The following OSBPL1A variants were observed in gnomAD, a reference collection of about 807,000 sequenced individuals.
OSBPL1A encodes oxysterol-binding protein-related protein 1.
OSBPL1A carries 80 observed loss-of-function variants against 137.1 expected under a neutral mutation model. That is an observed-to-expected ratio of 0.58 (90% CI 0.49 to 0.70). OSBPL1A has a LOEUF of 0.70. Ranked by LOEUF, OSBPL1A falls within the 30% of genes least tolerant of loss-of-function variation. The probability of loss-of-function intolerance (pLI) is 0.00; values close to 1 mark genes in which losing one functional copy is unlikely to be tolerated. For synonymous variants in OSBPL1A, 365 were observed against 389.7 expected (o/e 0.94, Z 0.75); for missense variants, 970 against 1,129.4 (o/e 0.86, Z 2.02).
intron 14 of OSBPL1A, among the ~76,000 whole-genome samples, chr18:24,298,454 C>T (rs1258200192): frequency 1.3e-5 from 2 of 152,252 alleles, no homozygotes; most frequent in Admixed American, 1.3e-4. Context: ...TCAAGCGATT[C>T]TCCTGCCTCA....
intron 17 of OSBPL1A, among the ~76,000 whole-genome samples, chr18:24,223,760 G>A (rs2087970519): frequency 6.6e-6 from 1 of 152,090 alleles, no homozygotes; most frequent in African/African-American, 2.4e-5. Context: ...TACAGCAGAG[G>A]ACAGCATCTA....
At chr18:24,166,262 T>C (rs1420467509) in intron 26 of OSBPL1A, among the ~76,000 whole-genome samples, 1 of 152,186 alleles carries the variant, frequency 6.6e-6, no homozygotes, top group East Asian at 1.9e-4. Context: ...CACACTCTCC[T>C]CTGAGGCTGA....
rs568522871 is a variant in OSBPL1A at position 24,320,108 on chromosome 18, G to A, written c.626-1299C>T. On this transcript the variant is annotated intron_variant, in intron 7 of 27. Coordinates refer to ENST00000319481, the MANE Select transcript of OSBPL1A (RefSeq NM_080597.4). ...CTCTAAAAACAAAAAGGGGGGCTGG[G>A]GGTGGTTTAAAATAATAATATTTTT... Among the ~76,000 whole-genome samples the A allele has an allele frequency of 1.7e-3, 252 of 152,166 alleles. 1 individual carries two copies. The highest frequency in any genetic ancestry group is 2.3e-3 in the Non-Finnish European group (154 of 68,024).
intron 4 of OSBPL1A, among the ~76,000 whole-genome samples, chr18:24,345,672 CGAGACT>C (rs2091335292): frequency 6.6e-6 from 1 of 151,524 alleles, no homozygotes; most frequent in Non-Finnish European, 1.5e-5. Context: ...GGCAACAAAG[CGAGACT>C]CCATCTCAAA....
intron 17 of OSBPL1A, among the ~76,000 whole-genome samples, chr18:24,207,759 C>G (rs563092774): frequency 2.6e-5 from 4 of 152,134 alleles, no homozygotes; most frequent in African/African-American, 9.6e-5. Context: ...GACTTCTTAT[C>G]GTTTCCTCCA....
chr18:24,170,583 C>T (rs2145908950), intron 23 of OSBPL1A, 130 bp from the exon 24 acceptor site: 1 of 924,066 alleles, frequency 1.1e-6, no homozygotes, highest in East Asian at 2.5e-5. Context: ...CTTCCAAGAG[C>T]AGATGAGATC....
chr18:24,364,590 AAAAC>A (rs1400963849), intron 4 of OSBPL1A, among the ~76,000 whole-genome samples: 22 of 152,248 alleles, frequency 1.4e-4, no homozygotes, highest in African/African-American at 3.1e-4. Context: ...ACTTGTCTCT[AAAAC>A]AAACAAACAA....
intron 16 of OSBPL1A, among the ~76,000 whole-genome samples, chr18:24,229,457 G>GA (rs1296764412): frequency 6.6e-6 from 1 of 152,250 alleles, no homozygotes; most frequent in African/African-American, 2.4e-5. Flanking sequence ...TATACTGTGT[G>GA]AAATAGTTTG....
Position 24,379,613 on chromosome 18 carries a change from A to G in OSBPL1A, c.-2-2078T>C, listed in dbSNP as rs527880385. On this transcript the variant is annotated intron_variant, in intron 1 of 27. Transcript: ENST00000319481. ...AAGAAAACAGAGAGACAGAGAAAAT[A>G]AAGAATTTATTTGGCAGGCCGAGGT... Among the ~76,000 whole-genome samples, 4 of 152,164 alleles carry G rather than the reference A, an allele frequency of 2.6e-5. No individual in the cohort carries two copies. The South Asian group carries it at 8.3e-4, about 32-fold the overall frequency.
At chr18:24,340,594 C>G (rs974812245) in intron 5 of OSBPL1A, among the ~76,000 whole-genome samples, 1 of 152,138 alleles carries the variant, frequency 6.6e-6, no homozygotes, top group Non-Finnish European at 1.5e-5. Context: ...CACCTGAGGT[C>G]AGGAGTTCAA....
At position 24,377,544 on chromosome 18, in the gene OSBPL1A, A is replaced by G; in HGVS notation, c.-2-9T>C. 6.3e-7 allele frequency: 1 copy of G among 1,582,788 alleles called. No homozygotes were observed. Among genetic ancestry groups the G allele is most frequent in the African/African-American group, 1.4e-5 (1 of 73,052 alleles). ...CGCTTCTGTGTTCATTTCTAAATTA[A>G]GAAAATAATAACATTGCTATTATTT... On this transcript the variant is annotated splice_polypyrimidine_tract_variant and intron_variant, in intron 1 of 27. Coordinates refer to ENST00000319481, the MANE Select transcript of OSBPL1A (RefSeq NM_080597.4).
At position 24,238,901 on chromosome 18, in the gene OSBPL1A, A is replaced by ATAC. The variant is rs1208475662; in HGVS notation, c.1444+318_1444+319insGTA. The stretch of plus-strand genomic sequence containing the variant: ...CTGTCTCTCCTTACAATATGTGCTA[A>ATAC]TGCCTGGCACTAGGAAATGGTCACC... On this transcript the variant is annotated intron_variant, in intron 16 of 27. Transcript: ENST00000319481. 5.9e-5 allele frequency among the ~76,000 whole-genome samples: 9 copies of ATAC among 152,328 alleles called. No homozygotes were observed. The South Asian group carries it at 1.7e-3, about 28-fold the overall frequency.
At chr18:24,209,950 G>A (rs190403020) in intron 17 of OSBPL1A, among the ~76,000 whole-genome samples, 1 of 152,246 alleles carries the variant, frequency 6.6e-6, no homozygotes, top group East Asian at 1.9e-4. Context: ...TTAGTTACAT[G>A]GGTCCATGCA....
chr18:24,328,555 T>C (rs1303069447), intron 7 of OSBPL1A, among the ~76,000 whole-genome samples: 2 of 152,160 alleles, frequency 1.3e-5, no homozygotes, highest in Admixed American at 1.3e-4. Flanking sequence ...GAGTTTGAGC[T>C]AGCTCTTAAA....
chr18:24,239,819 T>C (rs771386858), intron 15 of OSBPL1A, among the ~76,000 whole-genome samples: 6 of 151,906 alleles, frequency 3.9e-5, no homozygotes, highest in Non-Finnish European at 7.4e-5. Context: ...GCATAAAATA[T>C]AATCCCTCAG....
At chr18:24,249,245 T>C (rs1011819284) in intron 15 of OSBPL1A, among the ~76,000 whole-genome samples, 2 of 152,270 alleles carry the variant, frequency 1.3e-5, no homozygotes, top group Non-Finnish European at 2.9e-5. Flanking sequence ...AAAAGTACTA[T>C]GCACGTCCAT....
At position 24,341,600 on chromosome 18, in the gene OSBPL1A, C is replaced by T; in HGVS notation, c.341G>A (p.Gly114Glu). ...ATGAGTAACTTCTTTTGCTGTCTGTCCACTCCCATTAACAATAGTAGTATC... is the reference window on the plus strand; with the variant it reads ...ATGAGTAACTTCTTTTGCTGTCTGTTCACTCCCATTAACAATAGTAGTATC... Reference protein sequence around the residue: ...NADTTIVNGSGQTAKEVTHAE... With the variant: ...NADTTIVNGSEQTAKEVTHAE... Residue 114 changes from glycine (G) to glutamate (E), a missense_variant, in exon 5 of 28, where the codon GGA (glycine) becomes GAA (glutamate). This residue lies in a region of OSBPL1A where 647 missense variants were observed against 672.6 expected (regional missense o/e 0.96). Coordinates refer to ENST00000319481, the MANE Select transcript of OSBPL1A (RefSeq NM_080597.4). 1 of 1,613,390 alleles carries T rather than the reference C, an allele frequency of 6.2e-7. No individual in the cohort carries two copies. Among genetic ancestry groups the T allele is most frequent in the Non-Finnish European group, 8.5e-7 (1 of 1,179,698 alleles).
chr18:24,263,636 C>T (rs2089496423), intron 15 of OSBPL1A, among the ~76,000 whole-genome samples: 1 of 151,852 alleles, frequency 6.6e-6, no homozygotes, highest in East Asian at 1.9e-4. Flanking sequence ...AAATATATTC[C>T]CAACACTTCA....
At chr18:24,378,034 C>T (rs1306208798) in intron 1 of OSBPL1A, among the ~76,000 whole-genome samples, 1 of 152,108 alleles carries the variant, frequency 6.6e-6, no homozygotes, top group Non-Finnish European at 1.5e-5. Flanking sequence ...AATAGAAACT[C>T]ATTATAGATA....
Sources: gnomAD v4.1 joint callset for allele counts (sites outside exome capture counted in the v4.1 genomes callset) on GRCh38, gnomAD v4.1.1 for gene constraint, gnomAD v4.1.1 regional missense constraint, MANE v1.5 for transcripts, NCBI Gene and HGNC (gene_info 2026-07-23, HGNC 2026-07-21) for gene names.